CAMK2D: variants seen among roughly 807,000 people sequenced by gnomAD.
The protein encoded by CAMK2D is calcium/calmodulin dependent protein kinase II delta.
Under a neutral mutation model 84.0 loss-of-function variants are expected in CAMK2D, and 37 were observed. The ratio of observed to expected loss-of-function variants is 0.44; its 90% confidence interval spans 0.34 to 0.58. The LOEUF is 0.58. Ranked by LOEUF, CAMK2D falls within the 20% of genes least tolerant of loss-of-function variation. The pLI, the probability that CAMK2D is intolerant of heterozygous loss-of-function variation, is 0.02. For missense variants in CAMK2D, 448 were observed against 652.5 expected (o/e 0.69, Z 3.41); for synonymous variants, 202 against 212.5 (o/e 0.95, Z 0.43).
intron 16 of CAMK2D, among the ~76,000 whole-genome samples, chr4:113,470,294 C>T (rs1057398111): frequency 6.6e-6 from 1 of 152,146 alleles, no homozygotes; most frequent in Admixed American, 6.6e-5. Context: ...ACTGCACCCC[C>T]CCCATTTTGC....
intron 17 of CAMK2D, among the ~76,000 whole-genome samples, chr4:113,461,359 TGAACAG>T (rs1335375552): frequency 3.9e-5 from 6 of 152,322 alleles, no homozygotes; most frequent in African/African-American, 1.4e-4. Flanking sequence ...CTAGAATAGA[TGAACAG>T]GAAAGGTTTA....
chr4:113,502,099 T>C (rs988059831), intron 15 of CAMK2D, among the ~76,000 whole-genome samples: 1 of 152,076 alleles, frequency 6.6e-6, no homozygotes, highest in African/African-American at 2.4e-5. Context: ...TATCTAATAT[T>C]TGAGAAAAGT....
In CAMK2D at chr4:113,514,660, G is replaced by A. The variant is rs1383516153; in HGVS notation, c.819+409C>T. 2.6e-5 allele frequency among the ~76,000 whole-genome samples: 4 copies of A among 151,808 alleles called. No homozygotes were observed. The South Asian group carries it at 8.3e-4, about 32-fold the overall frequency. The stretch of plus-strand genomic sequence containing the variant: ...CAGACTACTATGACCATTATTTTAC[G>A]CCACTGAAACTCTACTGTCAGCTGC... On this transcript the variant is annotated intron_variant, in intron 10 of 20. Transcript: ENST00000511664.
intron 4 of CAMK2D, among the ~76,000 whole-genome samples, chr4:113,570,326 C>T (rs563659221): frequency 1.1e-4 from 17 of 152,072 alleles, no homozygotes; most frequent in Admixed American, 9.8e-4. Context: ...TGTATGGAAC[C>T]TCAAACAGCT....
At chr4:113,504,921 CAA>C (rs5861139) in intron 14 of CAMK2D, 53 bp downstream of exon 14, 16,494 of 802,260 alleles carry the variant, frequency 0.021, no homozygotes, top group South Asian at 0.027. Flanking sequence ...AGAGAAACCA[CAA>C]AAAAAAAAAA....
intron 2 of CAMK2D, among the ~76,000 whole-genome samples, chr4:113,681,486 G>A (rs774006021): frequency 2.6e-5 from 4 of 152,154 alleles, no homozygotes; most frequent in Non-Finnish European, 4.4e-5. Flanking sequence ...GTGGAACTGT[G>A]AGTCAATTAA....
At chr4:113,502,211 A>C (rs920665543) in intron 15 of CAMK2D, among the ~76,000 whole-genome samples, 2 of 152,122 alleles carry the variant, frequency 1.3e-5, no homozygotes, top group Non-Finnish European at 2.9e-5. Flanking sequence ...ATAGACATGT[A>C]TGCTAGTGCT....
chr4:113,479,404 T>C (rs1249474538), intron 16 of CAMK2D, among the ~76,000 whole-genome samples: 1 of 152,198 alleles, frequency 6.6e-6, no homozygotes, highest in African/African-American at 2.4e-5. Context: ...AGGGATGACT[T>C]TGAGTTATTA....
intron 2 of CAMK2D, among the ~76,000 whole-genome samples, chr4:113,669,244 A>G (rs2099269908): frequency 6.6e-6 from 1 of 152,204 alleles, no homozygotes; most frequent in South Asian, 2.1e-4. Flanking sequence ...CCTAATTTAT[A>G]TAAAATATTT....
chr4:113,499,716 T>C (rs898129595), intron 16 of CAMK2D, among the ~76,000 whole-genome samples: 6 of 152,198 alleles, frequency 3.9e-5, no homozygotes, highest in African/African-American at 1.2e-4. Flanking sequence ...GAATATCTTC[T>C]AGACAACTGG....
intron 19 of CAMK2D, 83 bp downstream of exon 19, chr4:113,457,252 A>C (rs74816682): frequency 6.5e-7 from 1 of 1,548,036 alleles, no homozygotes; most frequent in Non-Finnish European, 8.7e-7. Context: ...AATAACATAT[A>C]CCATGCTATT....
chr4:113,669,674 G>A (rs1299771082), intron 2 of CAMK2D, among the ~76,000 whole-genome samples: 2 of 152,148 alleles, frequency 1.3e-5, no homozygotes, highest in Non-Finnish European at 2.9e-5. Context: ...GTCTGTCTGT[G>A]TGTCTGTCAT....
intron 18 of CAMK2D, among the ~76,000 whole-genome samples, chr4:113,458,875 T>C (rs1214688749): frequency 6.6e-6 from 1 of 152,198 alleles, no homozygotes; most frequent in Non-Finnish European, 1.5e-5. Context: ...TCTGCAAAAA[T>C]AGTAAATTCC....
At chr4:113,754,601 C>G (rs1325569559) in intron 2 of CAMK2D, 1 of 982,716 alleles carries the variant, frequency 1.0e-6, no homozygotes, top group African/African-American at 1.8e-5. Context: ...CAGTATGGCA[C>G]CTGACAACCA....
chr4:113,754,082 G>A (rs1249553979), intron 2 of CAMK2D: 1 of 865,970 alleles, frequency 1.2e-6, no homozygotes, highest in East Asian at 1.2e-4. Flanking sequence ...GATCTATAAA[G>A]TGATTTGAAA....
At chr4:113,506,195 A>C (rs79859100) in intron 13 of CAMK2D, among the ~76,000 whole-genome samples, 4,512 of 152,268 alleles carry the variant, frequency 0.03, 122 homozygotes, top group Non-Finnish European at 0.043. Context: ...CTGGAAGTCT[A>C]TATCTGATAA....
chr4:113,502,972 G>T lies in CAMK2D; in HGVS notation c.1050C>A (p.Pro350=). ...CAGGGTTGTGGATTACAGTAGTTTGGGGCTCCTGAGTGAGAACAAAATAGA... is the reference window on the plus strand; with the variant it reads ...CAGGGTTGTGGATTACAGTAGTTTGTGGCTCCTGAGTGAGAACAAAATAGA... The part of the protein sequence containing the change: ...KENIPTPALE[P]QTTVIHNPDG... The change falls in exon 15 of 21, where the codon CCC becomes CCA. Residue 350 remains proline (P), a synonymous_variant. Transcript: ENST00000511664. 4 of 1,604,826 alleles carry T rather than the reference G, an allele frequency of 2.5e-6. No homozygotes were observed. Among genetic ancestry groups the T allele is most frequent in the Non-Finnish European group, 3.4e-6 (4 of 1,171,694 alleles).
At chr4:113,665,177 T>A (rs1438125218) in intron 2 of CAMK2D, among the ~76,000 whole-genome samples, 2 of 152,230 alleles carry the variant, frequency 1.3e-5, no homozygotes, top group Non-Finnish European at 2.9e-5. Flanking sequence ...TTCCTCCATA[T>A]AATCACATAA....
intron 16 of CAMK2D, among the ~76,000 whole-genome samples, chr4:113,472,349 C>T (rs996980681): frequency 1.3e-5 from 2 of 152,244 alleles, no homozygotes; most frequent in African/African-American, 2.4e-5. Flanking sequence ...TTGGATGTGG[C>T]GGTGCTGAGA....
Sources: allele counts gnomAD v4.1 joint callset (sites outside exome capture counted in the v4.1 genomes callset), GRCh38; gene constraint gnomAD v4.1.1; transcripts MANE v1.5; gene names NCBI Gene and HGNC (gene_info 2026-07-23, HGNC 2026-07-21).